The following ITSN2 variants were observed in gnomAD, a reference collection of about 807,000 sequenced individuals.
The protein encoded by ITSN2 is intersectin 2, also known as intersectin-2.
In ITSN2, 156 loss-of-function variants were observed where a neutral mutation model predicts 243.7. The observed-to-expected ratio is 0.64, with a 90% CI of 0.56 to 0.73. The LOEUF (loss-of-function observed/expected upper bound fraction) is 0.73, where lower values mean the gene tolerates loss of function less well. ITSN2 is among the 30% of genes least tolerant of loss of function. ITSN2 has a pLI of 0.00. For synonymous variants in ITSN2, 703 were observed against 699.9 expected (o/e 1.00, Z -0.07); for missense variants, 1,801 against 1,996.1 (o/e 0.90, Z 1.86).
intron 2 of ITSN2, among the ~76,000 whole-genome samples, 182 bp downstream of exon 2, chr2:24,327,870 T>C (rs1178019303): frequency 6.6e-6 from 1 of 152,202 alleles, no homozygotes; most frequent in South Asian, 2.1e-4. Context: ...AATATAGTCA[T>C]GGGATTTACA....
At chr2:24,310,853 G>T (rs925590060) in intron 5 of ITSN2, among the ~76,000 whole-genome samples, 161 bp from the exon 6 acceptor site, 1 of 152,152 alleles carries the variant, frequency 6.6e-6, no homozygotes, top group Non-Finnish European at 1.5e-5. Flanking sequence ...AGTGAGGGAG[G>T]TAAACTGCTG....
rs774927870 is a variant in ITSN2 at position 24,204,314 on chromosome 2, A to C, written c.4867T>G (p.Phe1623Val). The change falls in exon 39 of 40, where the codon TTT becomes GTT. Residue 1623 changes from phenylalanine to valine, a missense_variant. Phe to Val is a conservative substitution (Grantham distance 50). Coordinates refer to ENST00000355123, the MANE Select transcript of ITSN2 (RefSeq NM_006277.3). This position sits in a 1 kb window ranked among gnomAD's most constrained non-coding sequence, Gnocchi z 5.1. ...NPKWNFNCQF[F>V]IKDLYQDVLC... ...ACGTCTTGGTAGAGATCCTTAATAA[A>C]GAACTGGCAGTTAAAATTCCACTTG... 5.6e-5 allele frequency: 91 copies of C among 1,614,096 alleles called. No individual in the cohort carries two copies. The highest frequency in any genetic ancestry group is 7.5e-5 in the Non-Finnish European group (88 of 1,180,038).
intron 1 of ITSN2, among the ~76,000 whole-genome samples, chr2:24,342,458 C>T (rs1462848887): frequency 6.6e-6 from 1 of 150,836 alleles, no homozygotes; most frequent in African/African-American, 2.4e-5. Flanking sequence ...CTCAGCCTCC[C>T]AATGCAAGCT....
At chr2:24,296,455 G>A (rs932747624) in intron 13 of ITSN2, among the ~76,000 whole-genome samples, 26 of 152,142 alleles carry the variant, frequency 1.7e-4, no homozygotes, top group Non-Finnish European at 2.8e-4. Context: ...TGGAGACAGG[G>A]CCTTTAAAGA....
intron 29 of ITSN2, among the ~76,000 whole-genome samples, chr2:24,222,907 C>T (rs1328326920): frequency 6.6e-6 from 1 of 152,104 alleles, no homozygotes; most frequent in East Asian, 1.9e-4. Flanking sequence ...AACTCCTGAT[C>T]TCAGGTGATC....
intron 34 of ITSN2, 77 bp from the exon 35 acceptor site, chr2:24,210,110 G>T: frequency 5.9e-6 from 6 of 1,025,302 alleles, no homozygotes; most frequent in Non-Finnish European, 9.0e-6. Context: ...AGTGCCCTGG[G>T]CCTGAGGATA....
intron 15 of ITSN2, among the ~76,000 whole-genome samples, chr2:24,286,948 C>T (rs1185482344): frequency 2.0e-5 from 3 of 152,078 alleles, no homozygotes; most frequent in African/African-American, 7.2e-5. Flanking sequence ...ATGCAGAATA[C>T]ATTACAATAA....
At chr2:24,353,793 C>A (rs184580821) in intron 1 of ITSN2, among the ~76,000 whole-genome samples, 5 of 152,076 alleles carry the variant, frequency 3.3e-5, no homozygotes, top group Admixed American at 2.0e-4. Flanking sequence ...AAGGAAATAA[C>A]AGTAAATGTG....
intron 18 of ITSN2, among the ~76,000 whole-genome samples, chr2:24,274,440 T>C (rs1171585795): frequency 6.6e-6 from 1 of 152,050 alleles, no homozygotes; most frequent in East Asian, 1.9e-4. Context: ...GGAGTGGTGG[T>C]ACATGCCTAT....
chr2:24,248,651 C>T lies in ITSN2; in HGVS notation c.3266G>A (p.Gly1089Glu). ...TACCTGTAACTCTCCTTGCCACCAC[C>T]CACTTGTATTTTTCTTTAGAATTAA... ...LILILKKNTS[G>E]WWQGELQARG... Residue 1089 changes from glycine to glutamate, a missense_variant, in exon 27 of 40, where the codon GGG becomes GAG. Coordinates refer to ENST00000355123, the MANE Select transcript of ITSN2 (RefSeq NM_006277.3). 6.2e-7 allele frequency: 1 copy of T among 1,609,018 alleles called. No individual in the cohort carries two copies. The highest frequency in any genetic ancestry group is 8.5e-7 in the Non-Finnish European group (1 of 1,176,730).
At chr2:24,317,487 G>A (rs139942187) in intron 2 of ITSN2, among the ~76,000 whole-genome samples, 1 of 152,286 alleles carries the variant, frequency 6.6e-6, no homozygotes, top group East Asian at 1.9e-4. Context: ...TCAGATCAGA[G>A]AAGCTGCAAG....
At chr2:24,280,291 A>G (rs1215063292) in intron 17 of ITSN2, among the ~76,000 whole-genome samples, 2 of 152,192 alleles carry the variant, frequency 1.3e-5, no homozygotes, top group African/African-American at 4.8e-5. Flanking sequence ...ATCAGAACTA[A>G]GTGCCTGTCC....
intron 37 of ITSN2, 53 bp downstream of exon 37, chr2:24,208,184 G>A (rs1015608572): frequency 3.4e-5 from 49 of 1,447,886 alleles, no homozygotes; most frequent in Middle Eastern, 1.9e-4. Context: ...AGCAGTGGCC[G>A]GCATTCCTAG....
intron 13 of ITSN2, among the ~76,000 whole-genome samples, chr2:24,298,276 G>C (rs866575778): frequency 2.3e-4 from 35 of 152,174 alleles, no homozygotes; most frequent in African/African-American, 7.7e-4. Context: ...TTCTGCCTCA[G>C]TGTCCCAAGT....
At chr2:24,255,243 T>C (rs1461477118) in intron 23 of ITSN2, among the ~76,000 whole-genome samples, 1 of 152,264 alleles carries the variant, frequency 6.6e-6, no homozygotes, top group Non-Finnish European at 1.5e-5. Context: ...AGACAATTTC[T>C]ATAAAGGAAT....
Position 24,286,268 on chromosome 2 carries a change from C to T in ITSN2, c.1807G>A (p.Glu603Lys). Reference sequence around the variant, plus strand: ...GACAGCTTAGATGCAGTTTCTTTTTCAAGAGCATCTAACTGTTCTTTAAGT... The same window carrying T: ...GACAGCTTAGATGCAGTTTCTTTTTTAAGAGCATCTAACTGTTCTTTAAGT... ...QRLKEQLDALEKETASKLSEM... is the reference protein window; with the variant it reads ...QRLKEQLDALKKETASKLSEM... Residue 603 changes from glutamate to lysine, a missense_variant, in exon 16 of 40, where the codon GAA becomes AAA. This residue lies in a region of ITSN2 where 787 missense variants were observed against 803.9 expected (regional missense o/e 0.98). Coordinates refer to ENST00000355123, the MANE Select transcript of ITSN2 (RefSeq NM_006277.3). 6.2e-7 allele frequency: 1 copy of T among 1,603,472 alleles called. No individual in the cohort carries two copies. Among genetic ancestry groups the T allele is most frequent in the East Asian group, 2.2e-5 (1 of 44,664 alleles).
At position 24,299,980 on chromosome 2, in the gene ITSN2, G is replaced by A. The variant is rs751818988; in HGVS notation, c.1273C>T (p.Arg425Cys). 67 of 1,613,650 alleles carry A rather than the reference G, an allele frequency of 4.2e-5. No individual in the cohort carries two copies. The highest frequency in any genetic ancestry group is 1.3e-4 in the South Asian group (12 of 91,060). ...EWKKQLELEK[R>C]LEKQRELERQ... is the part of the protein sequence containing the mutation. ...TCCAATTCCCGTTGCTTCTCTAAGC[G>A]TTTTTCTAATTCAAGTTGTTTCTTC... is the stretch of plus-strand genomic sequence containing the variant. Residue 425 changes from arginine to cysteine, a missense_variant, in exon 12 of 40, where the codon CGC (arginine) becomes TGC (cysteine). Coordinates refer to ENST00000355123, the MANE Select transcript of ITSN2 (RefSeq NM_006277.3).
Position 24,355,663 on chromosome 2 carries a change from T to C in ITSN2, c.-34+4641A>G, listed in dbSNP as rs13403736. The stretch of plus-strand genomic sequence containing the variant: ...AACCTAGGCAATACCATTCAGGACA[T>C]AGGCATGGGCAAAGACTTCATGACA... On this transcript the variant is annotated intron_variant, in intron 1 of 39. Coordinates refer to ENST00000355123, the MANE Select transcript of ITSN2 (RefSeq NM_006277.3). Among the ~76,000 whole-genome samples the C allele has an allele frequency of 1.9e-3, 294 of 152,346 alleles. 1 individual carries two copies. Among genetic ancestry groups the C allele is most frequent in the African/African-American group, 6.7e-3 (279 of 41,586 alleles).
chr2:24,251,885 C>T (rs1674376438), intron 25 of ITSN2, among the ~76,000 whole-genome samples: 2 of 152,016 alleles, frequency 1.3e-5, no homozygotes. Flanking sequence ...ATTTTTAAGA[C>T]TGTAAAGTTC....
Sources: gnomAD v4.1 joint callset for allele counts (sites outside exome capture counted in the v4.1 genomes callset) on GRCh38, gnomAD v4.1.1 for gene constraint, gnomAD v4.1.1 regional missense constraint, Gnocchi (gnomAD v3.1) non-coding constraint, MANE v1.5 for transcripts, NCBI Gene and HGNC (gene_info 2026-07-23, HGNC 2026-07-21) for gene names.